NTNG2: variants seen among roughly 807,000 people sequenced by gnomAD.
NTNG2 encodes netrin G2.
In NTNG2, 15 loss-of-function variants were observed where a neutral mutation model predicts 47.6. The ratio of observed to expected loss-of-function variants is 0.32; its 90% CI spans 0.21 to 0.49. The LOEUF (loss-of-function observed/expected upper bound fraction) is 0.49, where lower values mean the gene tolerates loss of function less well. NTNG2 is among the 20% of genes least tolerant of loss of function. The pLI is 0.99. For synonymous variants in NTNG2, 307 were observed against 324.6 expected (o/e 0.95, Z 0.58); for missense variants, 578 against 764.6 (o/e 0.76, Z 2.88).
chr9:132,201,736 C>A (rs760777833), intron 3 of NTNG2, among the ~76,000 whole-genome samples: 1 of 152,194 alleles, frequency 6.6e-6, no homozygotes, highest in Non-Finnish European at 1.5e-5. Context: ...TGCTATTGAG[C>A]GCTGTTATTA....
At chr9:132,200,790 C>T (rs1838688354) in intron 3 of NTNG2, among the ~76,000 whole-genome samples, 1 of 152,220 alleles carries the variant, frequency 6.6e-6, no homozygotes, top group South Asian at 2.1e-4. Context: ...AACCCACCTC[C>T]AATTGGGACA....
chr9:132,233,682 A>G (rs1841413562), intron 5 of NTNG2: 1 of 152,156 alleles, frequency 6.6e-6, no homozygotes, highest in Non-Finnish European at 1.5e-5. Context: ...CAGAGCCCCC[A>G]TTAATGAAAA....
At chr9:132,166,197 A>C (rs1835496582) in intron 1 of NTNG2, 152 bp from the exon 2 acceptor site, 1 of 155,754 alleles carries the variant, frequency 6.4e-6, no homozygotes, top group African/African-American at 2.4e-5. Flanking sequence ...GTAGCTTTTC[A>C]TTCTAGTCCA....
chr9:132,234,949 C>T (rs1479911817), intron 5 of NTNG2, among the ~76,000 whole-genome samples: 1 of 152,274 alleles, frequency 6.6e-6, no homozygotes, highest in African/African-American at 2.4e-5. Context: ...AACAGCAGCG[C>T]TCCCCTGTCC....
At position 132,241,798 on chromosome 9, in the gene NTNG2, C is replaced by T. The variant is rs1447246475; in HGVS notation, c.1358-78C>T. 3.5e-6 allele frequency: 4 copies of T among 1,148,742 alleles called. No homozygotes were observed. In the Admixed American group the frequency reaches 7.8e-5, roughly 22 times the overall value. The allele number at this position is 1,148,742 out of a possible 1,614,324, so 71.2% of individuals were successfully genotyped here. A position where few individuals can be genotyped will look rare whatever the true frequency, so the allele number is the denominator to read the frequency against. ...CAGACGGCGCCCCCGGGATCTCGCA[C>T]ACCCTGCTTCGCAGGAGCTCGGAGG... On this transcript the variant is annotated intron_variant, in intron 7 of 7. Coordinates refer to ENST00000393229, the MANE Select transcript of NTNG2 (RefSeq NM_032536.4).
chr9:132,232,788 C>T (rs190247110), intron 5 of NTNG2: 1 of 149,028 alleles, frequency 6.7e-6, no homozygotes, highest in African/African-American at 2.5e-5. Flanking sequence ...TCCAAGGAGA[C>T]CTGCCCCACT....
At chr9:132,191,257 C>T (rs1837866476) in intron 2 of NTNG2, among the ~76,000 whole-genome samples, 1 of 152,172 alleles carries the variant, frequency 6.6e-6, no homozygotes, top group Non-Finnish European at 1.5e-5. Flanking sequence ...TTCTCATGCA[C>T]AAGCCTGGTG....
intron 2 of NTNG2, among the ~76,000 whole-genome samples, chr9:132,187,726 A>T (rs752658286): frequency 6.6e-6 from 1 of 152,176 alleles, no homozygotes; most frequent in Non-Finnish European, 1.5e-5. Context: ...TTCCCTCTGC[A>T]ACTTTTCTTA....
chr9:132,183,286 A>G (rs1400542418), intron 2 of NTNG2, among the ~76,000 whole-genome samples: 1 of 152,118 alleles, frequency 6.6e-6, no homozygotes, highest in Admixed American at 6.6e-5. Context: ...TAGGGCTGTC[A>G]CGGGCGCTGC....
At position 132,208,358 on chromosome 9, in the gene NTNG2, C is replaced by A. The variant is rs946888967; in HGVS notation, c.857+9749C>A. 6.6e-6 allele frequency among the ~76,000 whole-genome samples: 1 copy of A among 152,070 alleles called. No homozygotes were observed. The highest frequency in any genetic ancestry group is 2.4e-5 in the African/African-American group (1 of 41,368). Reference sequence around the variant, plus strand: ...GGCCAGATCACGCCAGCCCTGCAGCCCCGGGAGGAAGTTGGTTTTGGTTGA... The same window carrying A: ...GGCCAGATCACGCCAGCCCTGCAGCACCGGGAGGAAGTTGGTTTTGGTTGA... On this transcript the variant is annotated intron_variant, in intron 3 of 7. Transcript: ENST00000393229. This position sits in a 1 kb window ranked among gnomAD's most constrained non-coding sequence, Gnocchi z 4.0.
intron 2 of NTNG2, among the ~76,000 whole-genome samples, chr9:132,175,622 C>T (rs1836378169): frequency 6.6e-6 from 1 of 152,220 alleles, no homozygotes; most frequent in Admixed American, 6.5e-5. Flanking sequence ...ATTTGTTTTT[C>T]ATCAGCAGCA....
chr9:132,184,356 C>T (rs555729522), intron 2 of NTNG2, among the ~76,000 whole-genome samples: 5 of 152,170 alleles, frequency 3.3e-5, no homozygotes, highest in South Asian at 4.1e-4. Flanking sequence ...GGGAGTCACT[C>T]GGCTGTGTCA....
At chr9:132,184,804 C>T (rs1837222396) in intron 2 of NTNG2, among the ~76,000 whole-genome samples, 1 of 152,180 alleles carries the variant, frequency 6.6e-6, no homozygotes, top group Non-Finnish European at 1.5e-5. Context: ...ATCCGGTAAT[C>T]CCAGCTACTT....
chr9:132,164,258 A>T (rs1231756996), intron 1 of NTNG2, among the ~76,000 whole-genome samples: 1 of 152,188 alleles, frequency 6.6e-6, no homozygotes, highest in African/African-American at 2.4e-5. Context: ...GTGGCATTTA[A>T]ACCAACAGGA....
At chr9:132,168,502 A>G (rs1388423548) in intron 2 of NTNG2, among the ~76,000 whole-genome samples, 4 of 152,068 alleles carry the variant, frequency 2.6e-5, no homozygotes, top group Non-Finnish European at 2.9e-5. Context: ...GTCAGTGGTG[A>G]TGAGGCTGTC....
rs151209525 is a variant in NTNG2 at position 132,180,992 on chromosome 9, C to G, written c.213+13948C>G. On this transcript the variant is annotated intron_variant, in intron 2 of 7. Coordinates refer to ENST00000393229, the MANE Select transcript of NTNG2 (RefSeq NM_032536.4). This position sits in a 1 kb window ranked among gnomAD's most constrained non-coding sequence, Gnocchi z 4.2. ...TCCGTGGTCACTTTCGGTCAATCAT[C>G]TGGCCTGAGCAGGTTCTGCCTTCTG... 1.3e-5 allele frequency among the ~76,000 whole-genome samples: 2 copies of G among 152,380 alleles called. No homozygotes were observed. Among genetic ancestry groups the G allele is most frequent in the East Asian group, 3.9e-4 (2 of 5,188 alleles).
intron 2 of NTNG2, among the ~76,000 whole-genome samples, chr9:132,192,362 G>T (rs2130667558): frequency 6.6e-6 from 1 of 152,306 alleles, no homozygotes; most frequent in Admixed American, 6.5e-5. Flanking sequence ...AGGCCGAGGT[G>T]GGCGGATCAC....
At chr9:132,224,763 G>A (rs1416990862) in intron 3 of NTNG2, among the ~76,000 whole-genome samples, 1 of 152,052 alleles carries the variant, frequency 6.6e-6, no homozygotes, top group Non-Finnish European at 1.5e-5. Context: ...TTTTTATTAT[G>A]GAGAATTTCC....
At chr9:132,239,412 T>C in intron 6 of NTNG2, 141 bp downstream of exon 6, 1 of 766,540 alleles carries the variant, frequency 1.3e-6, no homozygotes, top group South Asian at 1.6e-5. Flanking sequence ...CCCTCTCCAG[T>C]TGAGCATCTC....
Sources: allele counts gnomAD v4.1 joint callset (sites outside exome capture counted in the v4.1 genomes callset), GRCh38; gene constraint gnomAD v4.1.1; non-coding constraint Gnocchi (gnomAD v3.1); transcripts MANE v1.5; gene names NCBI Gene and HGNC (gene_info 2026-07-23, HGNC 2026-07-21).